TDRD12: variants seen among roughly 807,000 people sequenced by gnomAD.
TDRD12 encodes tudor domain containing 12.
Under a neutral mutation model 133.5 loss-of-function variants are expected in TDRD12, and 158 were observed. That is an observed-to-expected ratio of 1.18 (90% CI 1.04 to 1.35). TDRD12 has a LOEUF of 1.35. Ranked by LOEUF, TDRD12 falls within the 40% of genes most tolerant of loss-of-function variation. The probability of loss-of-function intolerance (pLI) is 0.00; values close to 1 mark genes in which losing one functional copy is unlikely to be tolerated. For missense variants in TDRD12, 1,443 were observed against 1,321.3 expected (o/e 1.09, Z -1.43); for synonymous variants, 460 against 477.9 (o/e 0.96, Z 0.49).
exon 17 of TDRD12, chr19:32,800,306 A>G: frequency 3.9e-6 from 6 of 1,528,622 alleles, no homozygotes; most frequent in Non-Finnish European, 5.2e-6. Context: ...AATGATCCCT[A>G]CATTGTGATC....
chr19:32,757,287 A>G (rs1399968996), intron 8 of TDRD12, among the ~76,000 whole-genome samples, 157 bp downstream of exon 8: 2 of 152,188 alleles, frequency 1.3e-5, no homozygotes, highest in African/African-American at 2.4e-5. Flanking sequence ...GAAAGAGTTC[A>G]TGTGTCCTGC....
At chr19:32,783,465 A>G (rs1970824800) in intron 11 of TDRD12, among the ~76,000 whole-genome samples, 1 of 152,160 alleles carries the variant, frequency 6.6e-6, no homozygotes, top group Non-Finnish European at 1.5e-5. Context: ...TTGGTTCCAT[A>G]TGAAGTTTAA....
intron 2 of TDRD12, among the ~76,000 whole-genome samples, chr19:32,737,601 C>G (rs1276528338): frequency 6.6e-6 from 1 of 152,084 alleles, no homozygotes; most frequent in Non-Finnish European, 1.5e-5. Context: ...GCAATCATAG[C>G]CCACTGCAGC....
chr19:32,788,164 C>T (rs1480317168), intron 11 of TDRD12, among the ~76,000 whole-genome samples: 2 of 151,308 alleles, frequency 1.3e-5, no homozygotes, highest in African/African-American at 4.9e-5. Context: ...GCTCTTTTGC[C>T]CAGGCTGGAG....
chr19:32,815,317 G>T, intron 25 of TDRD12, 131 bp from the exon 26 acceptor site: 1 of 717,834 alleles, frequency 1.4e-6, no homozygotes. Flanking sequence ...AGCCCTGCAC[G>T]TTGTGGCAAG....
chr19:32,797,819 C>G (rs1413758134), exon 15 of TDRD12: 3 of 702,372 alleles, frequency 4.3e-6, no homozygotes, highest in South Asian at 1.5e-5. Context: ...GTCCTCCAGG[C>G]CTCTTCATCC....
chr19:32,798,509 G>A, intron 16 of TDRD12, 74 bp downstream of exon 16: 1 of 1,297,606 alleles, frequency 7.7e-7, no homozygotes, highest in Non-Finnish European at 1.0e-6. Context: ...CAGGAAGGAG[G>A]AAAAGTGTCT....
At chr19:32,744,531 A>C (rs1969540613) in intron 4 of TDRD12, among the ~76,000 whole-genome samples, 1 of 150,666 alleles carries the variant, frequency 6.6e-6, no homozygotes, top group Non-Finnish European at 1.5e-5. Context: ...AAAACAAAAG[A>C]ATATAGATAA....
At chr19:32,791,593 G>A (rs1311718906) in intron 13 of TDRD12, among the ~76,000 whole-genome samples, 5 of 152,154 alleles carry the variant, frequency 3.3e-5, no homozygotes, top group African/African-American at 1.2e-4. Flanking sequence ...GAAGATGAAA[G>A]CAGGAGACAG....
At chr19:32,773,559 G>A in intron 10 of TDRD12, 27 bp downstream of exon 10, 1 of 1,546,744 alleles carries the variant, frequency 6.5e-7, no homozygotes, top group Non-Finnish European at 8.8e-7. Flanking sequence ...CAAACTGGGT[G>A]TGGTGGCGCC....
chr19:32,813,636 G>A (rs1264482620), intron 24 of TDRD12, 48 bp from the exon 25 acceptor site: 1 of 1,089,064 alleles, frequency 9.2e-7, no homozygotes, highest in Non-Finnish European at 1.3e-6. Context: ...ACAAAATAAG[G>A]TATTTTGTTA....
chr19:32,751,025 A>T (rs995725002), intron 6 of TDRD12, among the ~76,000 whole-genome samples: 2 of 151,990 alleles, frequency 1.3e-5, no homozygotes, highest in East Asian at 3.9e-4. Flanking sequence ...GTTCCATGGT[A>T]GTTTGCTGGC....
At chr19:32,779,782 C>T (rs1372853453) in intron 11 of TDRD12, among the ~76,000 whole-genome samples, 2 of 152,262 alleles carry the variant, frequency 1.3e-5, no homozygotes, top group Non-Finnish European at 2.9e-5. Context: ...GGCTTTTGGA[C>T]TTTGACAATG....
At chr19:32,727,193 G>A (rs538591748) in intron 1 of TDRD12, among the ~76,000 whole-genome samples, 1 of 152,168 alleles carries the variant, frequency 6.6e-6, no homozygotes, top group South Asian at 2.1e-4. Context: ...TCTCACTATG[G>A]TTATGATTTA....
At chr19:32,756,412 G>T (rs995584523) in intron 7 of TDRD12, among the ~76,000 whole-genome samples, 7 of 152,016 alleles carry the variant, frequency 4.6e-5, no homozygotes, top group Non-Finnish European at 1.0e-4. Context: ...TTTTGAGACG[G>T]AGTCTCGGTC....
intron 25 of TDRD12, 150 bp from the exon 26 acceptor site, chr19:32,815,298 G>A (rs776240814): frequency 3.8e-4 from 240 of 630,154 alleles, no homozygotes; most frequent in Admixed American, 1.2e-4. Flanking sequence ...TCCAGATGCT[G>A]CCATGGAAAG....
exon 13 of TDRD12, chr19:32,790,980 G>A (rs1488527247): frequency 1.3e-6 from 2 of 1,535,892 alleles, no homozygotes; most frequent in Admixed American, 2.0e-5. Context: ...AAGCTGAAGG[G>A]CCTGCAGCCG....
At chr19:32,778,977 CTT>C (rs200361596) in intron 11 of TDRD12, among the ~76,000 whole-genome samples, 2,382 of 152,292 alleles carry the variant, frequency 0.016, 222 homozygotes, top group Admixed American at 0.14. Flanking sequence ...TCAAAGAAGG[CTT>C]TGAGTTCCTT....
chr19:32,722,394 C>A (rs2145403059), intron 1 of TDRD12, among the ~76,000 whole-genome samples: 1 of 152,242 alleles, frequency 6.6e-6, no homozygotes, highest in African/African-American at 2.4e-5. Context: ...TCTGCCCCCA[C>A]TTCTGGCCCT....
Sources: allele counts gnomAD v4.1 joint callset (sites outside exome capture counted in the v4.1 genomes callset), GRCh38; gene constraint gnomAD v4.1.1; transcripts MANE v1.5; gene names NCBI Gene and HGNC (gene_info 2026-07-23, HGNC 2026-07-21).